TRIM41: variants seen among roughly 807,000 people sequenced by gnomAD.
The protein encoded by TRIM41 is E3 ubiquitin-protein ligase TRIM41.
In TRIM41, 21 loss-of-function variants were observed where a neutral mutation model predicts 60.6. The observed-to-expected ratio is 0.35, with a 90% confidence interval of 0.25 to 0.50. The LOEUF (loss-of-function observed/expected upper bound fraction) is 0.50, where lower values mean the gene tolerates loss of function less well. TRIM41 is among the 20% of genes least tolerant of loss of function. TRIM41 has a pLI of 0.98. For missense variants in TRIM41, 846 were observed against 868.3 expected (o/e 0.97, Z 0.32); for synonymous variants, 407 against 344.9 (o/e 1.18, Z -2.00).
chr5:181,224,281 C>A lies in TRIM41; in HGVS notation c.282C>A (p.Asp94Glu). The A allele has an allele frequency of 6.2e-7, 1 of 1,613,734 alleles. No individual in the cohort carries two copies. Among genetic ancestry groups the A allele is most frequent in the Non-Finnish European group, 8.5e-7 (1 of 1,179,950 alleles). The change falls in exon 1 of 6, where the codon GAC (aspartate) becomes GAA (glutamate). Residue 94 changes from aspartate to glutamate, a missense_variant. Transcript: ENST00000315073. ...TGCGGGATGAAGACTACGAGGGTGA[C>A]ATGGAGGAGGAGGTCGAGGAGGAAG... ...TPMRDEDYEG[D>E]MEEEVEEEEE...
chr5:181,232,787 G>A lies in TRIM41; in HGVS notation c.1038G>A (p.Ala346=), dbSNP rs144248003. 3.2e-4 allele frequency: 521 copies of A among 1,609,904 alleles called. 1 individual carries two copies. The highest frequency in any genetic ancestry group is 4.0e-4 in the Non-Finnish European group (472 of 1,178,854). ...TGCATGAAGCCCAGCTGGGGCGTGC[G>A]GGAGCCGCGGCTAGTCGCCTTGCAG... ...REMHEAQLGR[A]GAAASRLAEQ... The change falls in exon 3 of 6, where the codon GCG becomes GCA. Residue 346 remains alanine, a synonymous_variant. Coordinates refer to ENST00000315073, the MANE Select transcript of TRIM41 (RefSeq NM_033549.5).
At chr5:181,230,917 A>C (rs1561671675) in intron 2 of TRIM41, 78 bp downstream of exon 2, 1 of 1,333,018 alleles carries the variant, frequency 7.5e-7, no homozygotes, top group Admixed American at 1.7e-5. Flanking sequence ...TCTCACAGGG[A>C]GTGACTTGGT....
In TRIM41 at chr5:181,224,037, C is replaced by G. The variant is rs755827489; in HGVS notation, c.38C>G (p.Thr13Ser). The G allele has an allele frequency of 8.1e-6, 13 of 1,614,040 alleles. 1 individual carries two copies. In the South Asian group the frequency reaches 8.8e-5, roughly 11 times the overall value. Residue 13 changes from threonine (T) to serine (S), a missense_variant, in exon 1 of 6, where the codon ACC becomes AGC. Coordinates refer to ENST00000315073, the MANE Select transcript of TRIM41 (RefSeq NM_033549.5). The stretch of plus-strand genomic sequence containing the variant: ...GCCATGACACCCAACCCTGTGCAGA[C>G]CCTTCAGGAGGAGGCGGTGTGCGCC... ...AVAMTPNPVQ[T>S]LQEEAVCAIC... is the part of the protein sequence containing the mutation.
rs1759039894 is a variant in TRIM41, at chr5:181,235,134, C to T, written c.*359C>T. 4 of 1,564,780 alleles carry T rather than the reference C, an allele frequency of 2.6e-6. No individual in the cohort carries two copies. The highest frequency in any genetic ancestry group is 3.5e-6 in the Non-Finnish European group (4 of 1,155,764). ...TTCCTTAACTTCCTTTTCCCCACCC[C>T]TGCTCTTCAACCTCTTTATCAGTTC... On this transcript the variant is annotated 3_prime_UTR_variant, in exon 6 of 6. Coordinates refer to ENST00000315073, the MANE Select transcript of TRIM41 (RefSeq NM_033549.5).
rs772763077 is a variant in TRIM41 at position 181,232,685 on chromosome 5, G to A, written c.936G>A (p.Ala312=). The change falls in exon 3 of 6, where the codon GCG becomes GCA. Residue 312 remains alanine, a synonymous_variant. Transcript: ENST00000315073. ...LKSQMKSELA[A]VASEFGRLTR... Reference sequence around the variant, plus strand: ...GCCAGATGAAGTCAGAGCTGGCAGCGGTGGCCTCGGAGTTTGGGCGACTGA... The same window carrying A: ...GCCAGATGAAGTCAGAGCTGGCAGCAGTGGCCTCGGAGTTTGGGCGACTGA... 79 of 1,613,964 alleles carry A rather than the reference G, an allele frequency of 4.9e-5. No individual in the cohort carries two copies. The highest frequency in any genetic ancestry group is 6.0e-5 in the Non-Finnish European group (71 of 1,180,026).
rs1471079189 is a variant in TRIM41, at chr5:181,233,590, C to G, written c.1164-46C>G. On this transcript the variant is annotated intron_variant, in intron 4 of 5. Coordinates refer to ENST00000315073, the MANE Select transcript of TRIM41 (RefSeq NM_033549.5). This position sits in a 1 kb window ranked among gnomAD's most constrained non-coding sequence, Gnocchi z 4.1. The stretch of plus-strand genomic sequence containing the variant: ...TTCCCCTCAGCTTTTGCTTTTCCCT[C>G]TGGGAATATCGTGGTCCCACCCCCT... 2 of 1,611,460 alleles carry G rather than the reference C, an allele frequency of 1.2e-6. No homozygotes were observed. Among genetic ancestry groups the G allele is most frequent in the African/African-American group, 1.3e-5 (1 of 74,940 alleles).
rs1403969781 is a variant in TRIM41, at chr5:181,232,956, G to C, written c.1140+67G>C. 3 of 1,463,934 alleles carry C rather than the reference G, an allele frequency of 2.0e-6. No individual in the cohort carries two copies. In the East Asian group the frequency reaches 7.4e-5, roughly 36 times the overall value. 90.7% of individuals were successfully genotyped at this position (1,463,934 alleles called of 1,614,324 possible). A position where few individuals can be genotyped will look rare whatever the true frequency, so the allele number is the denominator to read the frequency against. On this transcript the variant is annotated intron_variant, in intron 3 of 5. Transcript: ENST00000315073. ...GGCTGTCAGGCAGTGCTTACCAAAC[G>C]CCTGTCCAGAGCTGCCTCTTTTCTC...
chr5:181,232,501 G>C (rs1355060545), intron 2 of TRIM41, 158 bp from the exon 3 acceptor site: 14 of 670,120 alleles, frequency 2.1e-5, no homozygotes, highest in Non-Finnish European at 3.2e-5. Flanking sequence ...GGTGGTATCT[G>C]GTAAGGCTGG....
chr5:181,230,678 G>A lies in TRIM41; in HGVS notation c.814-66G>A, dbSNP rs1758758121. 2.2e-6 allele frequency: 3 copies of A among 1,346,056 alleles called. No homozygotes were observed. The East Asian group carries it at 7.2e-5, about 32-fold the overall frequency. The allele number at this position is 1,346,056 out of a possible 1,614,324, so 83.4% of individuals were successfully genotyped here. A position where few individuals can be genotyped will look rare whatever the true frequency, so the allele number is the denominator to read the frequency against. The stretch of plus-strand genomic sequence containing the variant: ...GACCCATCTTGCTATAGGGAGGATT[G>A]CAGAGGTAGGCTCTGAAGGGCAGGT... On this transcript the variant is annotated intron_variant, in intron 1 of 5. Coordinates refer to ENST00000315073, the MANE Select transcript of TRIM41 (RefSeq NM_033549.5).
chr5:181,229,271 A>G (rs947204620), intron 1 of TRIM41: 1 of 152,242 alleles, frequency 6.6e-6, no homozygotes, highest in African/African-American at 2.4e-5. Flanking sequence ...GCACTGCAGT[A>G]AGTGTGCTAT....
chr5:181,233,610 C>T lies in TRIM41; in HGVS notation c.1164-26C>T. 2 of 1,613,232 alleles carry T rather than the reference C, an allele frequency of 1.2e-6. No individual in the cohort carries two copies. Among genetic ancestry groups the T allele is most frequent in the Non-Finnish European group, 1.7e-6 (2 of 1,179,360 alleles). On this transcript the variant is annotated intron_variant, in intron 4 of 5. Coordinates refer to ENST00000315073, the MANE Select transcript of TRIM41 (RefSeq NM_033549.5). The surrounding 1 kb of genome is among the most constrained non-coding windows in gnomAD (Gnocchi z 4.1). ...TCCCTCTGGGAATATCGTGGTCCCACCCCCTGCCCGGTCCCCTTCCTCCAG... is the reference window on the plus strand; with the variant it reads ...TCCCTCTGGGAATATCGTGGTCCCATCCCCTGCCCGGTCCCCTTCCTCCAG...
chr5:181,223,957 C>T lies in TRIM41; in HGVS notation c.-43C>T, dbSNP rs1305828625. On this transcript the variant is annotated 5_prime_UTR_variant, in exon 1 of 6. Transcript: ENST00000315073. Reference sequence around the variant, plus strand: ...GTCGGTAGGGAAGACCCCCGCCCCTCGCCCCCCCACCGAACCTCTACACTG... The same window carrying T: ...GTCGGTAGGGAAGACCCCCGCCCCTTGCCCCCCCACCGAACCTCTACACTG... 1 of 1,537,800 alleles carries T rather than the reference C, an allele frequency of 6.5e-7. No individual in the cohort carries two copies. Among genetic ancestry groups the T allele is most frequent in the Admixed American group, 1.8e-5 (1 of 55,898 alleles).
chr5:181,232,746 C>T lies in TRIM41; in HGVS notation c.997C>T (p.Arg333Trp), dbSNP rs754230663. 54 of 1,613,686 alleles carry T rather than the reference C, an allele frequency of 3.3e-5. No individual in the cohort carries two copies. Among genetic ancestry groups the T allele is most frequent in the Non-Finnish European group, 4.1e-5 (48 of 1,179,976 alleles). The change falls in exon 3 of 6, where the codon CGG becomes TGG. Residue 333 changes from arginine (R) to tryptophan (W), a missense_variant. Arg to Trp is a moderately radical substitution (Grantham distance 101). Transcript: ENST00000315073. The part of the protein sequence containing the change: ...FLAEEQAGLE[R>W]RLREMHEAQL... ...GGCTGAAGAGCAGGCAGGGCTGGAA[C>T]GGCGTCTCAGAGAGATGCATGAAGC...
In TRIM41 at chr5:181,235,576, T is replaced by G. The variant is rs1759074552; in HGVS notation, c.*801T>G. ...CTCCCCTTTGTTCAGTGGAGCTGGC[T>G]TTTCTCCCAGCCCCTTTCCATGCCT... On this transcript the variant is annotated 3_prime_UTR_variant, in exon 6 of 6. Coordinates refer to ENST00000315073, the MANE Select transcript of TRIM41 (RefSeq NM_033549.5). The G allele has an allele frequency of 2.5e-6, 2 of 793,528 alleles. No individual in the cohort carries two copies. Among genetic ancestry groups the G allele is most frequent in the Non-Finnish European group, 4.0e-6 (2 of 502,706 alleles). The allele number at this position is 793,528 out of a possible 1,614,324, so 49.2% of individuals were successfully genotyped here.
Position 181,233,448 on chromosome 5 carries a change from T to C in TRIM41, c.1163+13T>C. 3.7e-6 allele frequency: 6 copies of C among 1,614,130 alleles called. No individual in the cohort carries two copies. The highest frequency in any genetic ancestry group is 5.1e-6 in the Non-Finnish European group (6 of 1,180,012). ...AGACTTTCAATAGGTGTGTTCCCAG[T>C]CTTTGCCCTTCGTGACCCAGTGGCA... On this transcript the variant is annotated intron_variant, in intron 4 of 5. Transcript: ENST00000315073. The surrounding 1 kb of genome is among the most constrained non-coding windows in gnomAD (Gnocchi z 4.1).
At position 181,223,749 on chromosome 5, in the gene TRIM41, A is replaced by T. The variant is rs1758399480; in HGVS notation, c.-251A>T. On this transcript the variant is annotated 5_prime_UTR_variant, in exon 1 of 6. The change creates a premature stop within an existing upstream ORF in the 5' untranslated region. Coordinates refer to ENST00000315073, the MANE Select transcript of TRIM41 (RefSeq NM_033549.5). ...GGAGCATTGGGGCAGACTTGTACTC[A>T]GAGCCACCTGAGGGACTTGGCGGTG... 1 of 594,852 alleles carries T rather than the reference A, an allele frequency of 1.7e-6. No individual in the cohort carries two copies. Among genetic ancestry groups the T allele is most frequent in the South Asian group, 2.0e-5 (1 of 49,694 alleles). 36.8% of individuals were successfully genotyped at this position (594,852 alleles called of 1,614,324 possible).
rs1484676843 is a variant in TRIM41 at position 181,223,584 on chromosome 5, A to T, written c.-416A>T. 1 of 440,554 alleles carries T rather than the reference A, an allele frequency of 2.3e-6. No individual in the cohort carries two copies. The highest frequency in any genetic ancestry group is 4.0e-6 in the Non-Finnish European group (1 of 249,970). The allele number at this position is 440,554 out of a possible 1,614,324, so 27.3% of individuals were successfully genotyped here. On this transcript the variant is annotated 5_prime_UTR_variant, in exon 1 of 6. Coordinates refer to ENST00000315073, the MANE Select transcript of TRIM41 (RefSeq NM_033549.5). The stretch of plus-strand genomic sequence containing the variant: ...CCTGTCGCCCTGGGGCCCCGCGGGG[A>T]AAAAGGGGGAGTAGCAGGACAGCGG...
Position 181,234,674 on chromosome 5 carries a change from C to T in TRIM41, c.1792C>T (p.Leu598=). The change falls in exon 6 of 6, where the codon CTA becomes TTA. Residue 598 remains leucine (L), a synonymous_variant. Coordinates refer to ENST00000315073, the MANE Select transcript of TRIM41 (RefSeq NM_033549.5). This position sits in a 1 kb window ranked among gnomAD's most constrained non-coding sequence, Gnocchi z 5.6. ...GRLGFYNAET[L]AHVHTFSAAF... ...CCTGGGCTTCTACAACGCAGAGACT[C>T]TAGCCCACGTGCACACCTTCTCGGC... 6.2e-7 allele frequency: 1 copy of T among 1,614,234 alleles called. No individual in the cohort carries two copies. The highest frequency in any genetic ancestry group is 8.5e-7 in the Non-Finnish European group (1 of 1,180,048).
Position 181,224,248 on chromosome 5 carries a change from C to A in TRIM41, c.249C>A (p.Asp83Glu). 1 of 1,613,542 alleles carries A rather than the reference C, an allele frequency of 6.2e-7. No individual in the cohort carries two copies. The highest frequency in any genetic ancestry group is 8.5e-7 in the Non-Finnish European group (1 of 1,179,804). Reference protein sequence around the residue: ...VEAVGAGAGWDTPMRDEDYEG... With the variant: ...VEAVGAGAGWETPMRDEDYEG... Reference sequence around the variant, plus strand: ...CTGTGGGGGCTGGCGCGGGGTGGGACACCCCCATGCGGGATGAAGACTACG... The same window carrying A: ...CTGTGGGGGCTGGCGCGGGGTGGGAAACCCCCATGCGGGATGAAGACTACG... Residue 83 changes from aspartate to glutamate, a missense_variant, in exon 1 of 6, where the codon GAC (aspartate) becomes GAA (glutamate). Physicochemically the swap from Asp to Glu is conservative, Grantham distance 45 (BLOSUM62 2). Transcript: ENST00000315073.
Sources: allele counts gnomAD v4.1 joint callset, GRCh38; gene constraint gnomAD v4.1.1; non-coding constraint Gnocchi (gnomAD v3.1); transcripts MANE v1.5; gene names NCBI Gene and HGNC (gene_info 2026-07-23, HGNC 2026-07-21).